KCNMA1: variants seen among roughly 807,000 people sequenced by gnomAD.
KCNMA1 encodes potassium calcium-activated channel subfamily M alpha 1.
Under a neutral mutation model 140.0 loss-of-function variants are expected in KCNMA1, and 29 were observed. The ratio of observed to expected loss-of-function variants is 0.21; its 90% CI spans 0.15 to 0.28. The LOEUF is 0.28. Ranked by LOEUF, KCNMA1 falls within the 10% of genes least tolerant of loss-of-function variation. KCNMA1 has a pLI of 1.00. For missense variants in KCNMA1, 880 were observed against 1,602.2 expected, an observed-to-expected ratio of 0.55 and a Z score of 7.70; for synonymous variants, 612 against 611.9, an observed-to-expected ratio of 1.00 and a Z score of 0.00.
At chr10:77,460,133 T>G (rs1603624987) in intron 1 of KCNMA1, among the ~76,000 whole-genome samples, 1 of 152,218 alleles carries the variant, frequency 6.6e-6, no homozygotes, top group African/African-American at 2.4e-5. Context: ...TGAGCCAGAT[T>G]TGCCCTGCAG....
intron 3 of KCNMA1, among the ~76,000 whole-genome samples, chr10:77,233,643 G>C (rs1036472806): frequency 7.9e-5 from 12 of 152,182 alleles, no homozygotes; most frequent in Admixed American, 2.0e-4. Flanking sequence ...GCTCCTTAAA[G>C]TTATCTACTG....
chr10:76,963,938 A>G (rs1269418888), intron 20 of KCNMA1, among the ~76,000 whole-genome samples: 1 of 152,028 alleles, frequency 6.6e-6, no homozygotes, highest in African/African-American at 2.4e-5. Context: ...GGTCTCCTCA[A>G]AAGGAATCAT....
chr10:77,441,604 C>T (rs2097401253), intron 1 of KCNMA1, among the ~76,000 whole-genome samples: 1 of 152,036 alleles, frequency 6.6e-6, no homozygotes. Context: ...TTTTTTAATG[C>T]TATTTTTAAT....
At chr10:77,035,244 G>A (rs899834558) in intron 15 of KCNMA1, among the ~76,000 whole-genome samples, 1 of 152,160 alleles carries the variant, frequency 6.6e-6, no homozygotes, top group Non-Finnish European at 1.5e-5. Context: ...CACTTAGAAT[G>A]TCCTCTTCCT....
intron 1 of KCNMA1, among the ~76,000 whole-genome samples, chr10:77,554,175 T>A (rs936403403): frequency 6.6e-6 from 1 of 152,156 alleles, no homozygotes; most frequent in Non-Finnish European, 1.5e-5. Context: ...GTCTGCTGTG[T>A]CTTTCGCCTG....
intron 1 of KCNMA1, among the ~76,000 whole-genome samples, chr10:77,475,988 A>G (rs1166273366): frequency 2.0e-5 from 3 of 152,056 alleles, no homozygotes; most frequent in Non-Finnish European, 2.9e-5. Context: ...ACAAACCACA[A>G]CCACAAAGAG....
rs538730152 is a variant in KCNMA1 at position 77,609,951 on chromosome 10, C to T, written c.378+27314G>A. ...TAAAAGATGTCTGTGTGGGAGGAAC[C>T]ATTTAGAAAAAGCAGTAACAAGGCG... On this transcript the variant is annotated intron_variant, in intron 1 of 27. Transcript: ENST00000286628. Among the ~76,000 whole-genome samples, 4 of 152,250 alleles carry T rather than the reference C, an allele frequency of 2.6e-5. No homozygotes were observed. In the East Asian group the frequency reaches 7.7e-4, roughly 29 times the overall value.
chr10:76,982,796 G>A (rs541795400), intron 19 of KCNMA1, among the ~76,000 whole-genome samples: 22 of 152,258 alleles, frequency 1.4e-4, no homozygotes, highest in African/African-American at 4.8e-4. Context: ...TGCCTAGCTC[G>A]CTCAGCCCAC....
chr10:77,062,049 A>G (rs1436049009), intron 14 of KCNMA1, among the ~76,000 whole-genome samples: 4 of 152,220 alleles, frequency 2.6e-5, no homozygotes, highest in African/African-American at 9.6e-5. Context: ...GGGTATGGAA[A>G]CTATCCTGTA....
intron 5 of KCNMA1, among the ~76,000 whole-genome samples, chr10:77,162,585 C>T (rs982711988): frequency 6.6e-6 from 1 of 152,136 alleles, no homozygotes; most frequent in African/African-American, 2.4e-5. Flanking sequence ...ACCTGGAAGA[C>T]CCGAGCCAAA....
At chr10:77,406,062 G>T (rs982274361) in intron 1 of KCNMA1, among the ~76,000 whole-genome samples, 3 of 152,204 alleles carry the variant, frequency 2.0e-5, no homozygotes, top group Non-Finnish European at 4.4e-5. Context: ...TCCAAGAGGA[G>T]GCCCAGGAGG....
rs201535633 is a variant in KCNMA1 at position 76,879,576 on chromosome 10, GT to G, written c.3428-1687del. On this transcript the variant is annotated intron_variant, in intron 29 of 29. Transcript: ENST00000372403. Reference sequence around the variant, plus strand: ...TTCATTTATCTTTTTGTCAAGCAGAGTTTTTTTTTTTTCCCTAAGCTTCAAT... The same window carrying G: ...TTCATTTATCTTTTTGTCAAGCAGAGTTTTTTTTTTTCCCTAAGCTTCAAT... 3.9e-3 allele frequency among the ~76,000 whole-genome samples: 566 copies of G among 144,318 alleles called. 3 individuals are homozygous for G. The highest frequency in any genetic ancestry group is 1.0e-2 in the African/African-American group (396 of 39,674). 94.7% of individuals were successfully genotyped at this position (144,318 alleles called of 152,430 possible).
At chr10:76,915,432 A>G (rs1254591648) in intron 23 of KCNMA1, among the ~76,000 whole-genome samples, 2 of 152,128 alleles carry the variant, frequency 1.3e-5, no homozygotes, top group African/African-American at 2.4e-5. Context: ...AGCAGTGCAT[A>G]TCACTGCTGG....
intron 1 of KCNMA1, among the ~76,000 whole-genome samples, chr10:77,617,717 C>A (rs996606217): frequency 1.3e-5 from 2 of 152,180 alleles, no homozygotes; most frequent in Non-Finnish European, 2.9e-5. Context: ...GGGAAAAATA[C>A]AGATAGTATC....
intron 19 of KCNMA1, among the ~76,000 whole-genome samples, chr10:76,988,618 G>A (rs2081932023): frequency 6.6e-6 from 1 of 152,126 alleles, no homozygotes; most frequent in African/African-American, 2.4e-5. Flanking sequence ...GGACAGGAAT[G>A]TCTTCTTTCC....
At chr10:77,515,795 G>T (rs577479362) in intron 1 of KCNMA1, among the ~76,000 whole-genome samples, 45 of 152,214 alleles carry the variant, frequency 3.0e-4, no homozygotes, top group African/African-American at 1.1e-3. Context: ...CCAAAGAGCT[G>T]CCCACTAAGC....
chr10:77,402,960 A>C (rs1168087914), intron 2 of KCNMA1, among the ~76,000 whole-genome samples: 1 of 152,184 alleles, frequency 6.6e-6, no homozygotes, highest in East Asian at 1.9e-4. Context: ...AGCAGACCCA[A>C]GAAAGCAAGC....
chr10:76,949,191 T>C lies in KCNMA1; in HGVS notation c.2660A>G (p.Lys887Arg), dbSNP rs753684298. 6 of 1,614,194 alleles carry C rather than the reference T, an allele frequency of 3.7e-6. No homozygotes were observed. The highest frequency in any genetic ancestry group is 1.7e-5 in the Admixed American group (1 of 60,018). The stretch of plus-strand genomic sequence containing the variant: ...GTTATGAAGCGTCTCCCATTCCCGC[T>C]TGAGGTACTCAATAGAGCCCACAAA... ...IVFVGSIEYL[K>R]REWETLHNFP... The change falls in exon 22 of 28, where the codon AAG (lysine) becomes AGG (arginine). Residue 887 changes from lysine to arginine, a missense_variant. Transcript: ENST00000286628.
intron 1 of KCNMA1, among the ~76,000 whole-genome samples, chr10:77,599,429 C>G (rs2081950063): frequency 6.6e-6 from 1 of 152,108 alleles, no homozygotes. Flanking sequence ...TCTTCCTTTC[C>G]AAGACTTATG....
Sources: allele counts gnomAD v4.1 joint callset (sites outside exome capture counted in the v4.1 genomes callset), GRCh38; gene constraint gnomAD v4.1.1; transcripts MANE v1.5; gene names NCBI Gene and HGNC (gene_info 2026-07-23, HGNC 2026-07-21).